Variants in MKRN2 observed in about 807,000 individuals in gnomAD.
MKRN2 encodes E3 ubiquitin-protein ligase makorin-2.
A neutral mutation model predicts 45.4 loss-of-function variants in MKRN2; 32 were observed. The observed-to-expected ratio is 0.70, with a 90% confidence interval of 0.53 to 0.95. The LOEUF is 0.95. MKRN2 is among the 40% of genes least tolerant of loss of function. The pLI, the probability that MKRN2 is intolerant of heterozygous loss-of-function variation, is 0.00. For synonymous variants in MKRN2, 206 were observed against 192.4 expected (o/e 1.07, Z -0.59); for missense variants, 526 against 536.7 (o/e 0.98, Z 0.20).
At chr3:12,561,934 C>T (rs2058039385) in intron 1 of MKRN2, among the ~76,000 whole-genome samples, 1 of 152,140 alleles carries the variant, frequency 6.6e-6, no homozygotes, top group Admixed American at 6.5e-5. Flanking sequence ...AATCCAGAGA[C>T]TGTCTAGAAC....
chr3:12,557,136 C>A lies in MKRN2; in HGVS notation c.-15C>A, dbSNP rs572518149. 1.1e-5 allele frequency: 17 copies of A among 1,511,800 alleles called. No homozygotes were observed. The highest frequency in any genetic ancestry group is 1.3e-5 in the Non-Finnish European group (15 of 1,132,722). 93.6% of individuals were successfully genotyped at this position (1,511,800 alleles called of 1,614,324 possible). A position where few individuals can be genotyped will look rare whatever the true frequency, so the allele number is the denominator to read the frequency against. On this transcript the variant is annotated 5_prime_UTR_variant, in exon 1 of 8. Transcript: ENST00000170447. ...AGAGGCGGCGGCACGACGACGGTCC[C>A]TCAGCCCAGCCACCATGAGCACCAA...
At chr3:12,562,133 A>C (rs1200518980) in intron 1 of MKRN2, among the ~76,000 whole-genome samples, 2 of 152,176 alleles carry the variant, frequency 1.3e-5, no homozygotes, top group African/African-American at 4.8e-5. Context: ...ACATGTGTCC[A>C]GGGAAGCCCA....
chr3:12,576,619 T>G lies in MKRN2; in HGVS notation c.858-12T>G. On this transcript the variant is annotated splice_polypyrimidine_tract_variant and intron_variant, in intron 5 of 7. Coordinates refer to ENST00000170447, the MANE Select transcript of MKRN2 (RefSeq NM_014160.5). ...CATGACTTCTCCCTTAGTAATCTAATTCTTATTTCAGGTCTTGTCCAGAAT... is the reference window on the plus strand; with the variant it reads ...CATGACTTCTCCCTTAGTAATCTAAGTCTTATTTCAGGTCTTGTCCAGAAT... 6.4e-7 allele frequency: 1 copy of G among 1,564,666 alleles called. No individual in the cohort carries two copies. Among genetic ancestry groups the G allele is most frequent in the Non-Finnish European group, 8.8e-7 (1 of 1,136,300 alleles).
intron 6 of MKRN2, among the ~76,000 whole-genome samples, chr3:12,579,920 T>G (rs752031825): frequency 1.3e-5 from 2 of 151,304 alleles, no homozygotes; most frequent in Non-Finnish European, 2.9e-5. Flanking sequence ...CTCATCTCTT[T>G]AAAGAAAAAA....
In MKRN2 at chr3:12,582,721, T is replaced by G. The variant is rs1488512185; in HGVS notation, c.*468T>G. ...TTAGTGTGTCGTCAAAATTTTGATT[T>G]ATACAGAGCTTTCAAGAACACACAA... On this transcript the variant is annotated 3_prime_UTR_variant, in exon 8 of 8. Transcript: ENST00000170447. 1.3e-5 allele frequency: 2 copies of G among 157,390 alleles called. No individual in the cohort carries two copies. Among genetic ancestry groups the G allele is most frequent in the African/African-American group, 2.4e-5 (1 of 41,528 alleles). 9.7% of individuals were successfully genotyped at this position (157,390 alleles called of 1,614,324 possible).
intron 6 of MKRN2, among the ~76,000 whole-genome samples, chr3:12,581,297 AAGG>A (rs1019108288): frequency 2.0e-5 from 3 of 152,182 alleles, no homozygotes; most frequent in African/African-American, 7.2e-5. Flanking sequence ...GGAAAACTGG[AAGG>A]AGACCTATGG....
At chr3:12,573,969 G>T (rs981839068) in intron 4 of MKRN2, among the ~76,000 whole-genome samples, 5 of 152,070 alleles carry the variant, frequency 3.3e-5, no homozygotes, top group African/African-American at 1.2e-4. Context: ...GAACTCCTGA[G>T]ATCAAGCAGT....
chr3:12,566,386 G>C (rs1483259146), intron 1 of MKRN2, among the ~76,000 whole-genome samples: 4 of 151,928 alleles, frequency 2.6e-5, no homozygotes, highest in Non-Finnish European at 5.9e-5. Context: ...GGTTTGTTTT[G>C]TTTTGTTTTG....
intron 1 of MKRN2, 129 bp from the exon 2 acceptor site, chr3:12,568,746 C>A: frequency 2.5e-6 from 3 of 1,202,274 alleles, no homozygotes; most frequent in Non-Finnish European, 3.4e-6. Context: ...GATCTCTCTC[C>A]AGTGCCTAAT....
chr3:12,572,530 A>ATAT (rs2058105995), intron 4 of MKRN2, among the ~76,000 whole-genome samples, 157 bp downstream of exon 4: 1 of 151,996 alleles, frequency 6.6e-6, no homozygotes. Flanking sequence ...AGTAATACCC[A>ATAT]TATTATGTAT....
At position 12,574,933 on chromosome 3, in the gene MKRN2, T is replaced by C; in HGVS notation, c.784T>C (p.Cys262Arg). ...SERRFGILSN[C>R]NHTYCLSCIR... ...GAGGAGATTTGGGATTCTCTCCAAT[T>C]GCAATCACACGTACTGTTTGTCCTG... Residue 262 changes from cysteine to arginine, a missense_variant, in exon 5 of 8, where the codon TGC (cysteine) becomes CGC (arginine). By Grantham distance (180) the Cys-to-Arg change is radical. Transcript: ENST00000170447. 6.2e-7 allele frequency: 1 copy of C among 1,614,240 alleles called. No homozygotes were observed. Among genetic ancestry groups the C allele is most frequent in the Non-Finnish European group, 8.5e-7 (1 of 1,180,036 alleles).
At chr3:12,574,464 G>C (rs1314406531) in intron 4 of MKRN2, among the ~76,000 whole-genome samples, 1 of 152,234 alleles carries the variant, frequency 6.6e-6, no homozygotes, top group Non-Finnish European at 1.5e-5. Context: ...AGAGGAGCTG[G>C]GGGACTAGGG....
intron 1 of MKRN2, among the ~76,000 whole-genome samples, chr3:12,564,079 G>A (rs1007805694): frequency 6.6e-5 from 10 of 151,882 alleles, no homozygotes; most frequent in African/African-American, 2.4e-4. Context: ...CAAAGTAGCT[G>A]GGATTACAGG....
At chr3:12,565,943 C>A (rs1254331989) in intron 1 of MKRN2, among the ~76,000 whole-genome samples, 1 of 152,108 alleles carries the variant, frequency 6.6e-6, no homozygotes, top group East Asian at 1.9e-4. Context: ...GCAAACAGAG[C>A]TCACTGCAGG....
intron 1 of MKRN2, among the ~76,000 whole-genome samples, chr3:12,567,835 T>C (rs1276961274): frequency 2.6e-5 from 4 of 152,182 alleles, no homozygotes; most frequent in Admixed American, 6.5e-5. Flanking sequence ...GGGTCTCTAC[T>C]GTTTGAGTAT....
Position 12,583,576 on chromosome 3 carries a change from T to TTTAAAAGGAGGTA in MKRN2, c.*1324_*1336dup, listed in dbSNP as rs1343739755. 2.7e-4 allele frequency: 61 copies of TTTAAAAGGAGGTA among 225,444 alleles called. No homozygotes were observed. Among genetic ancestry groups the TTTAAAAGGAGGTA allele is most frequent in the Middle Eastern group, 2.7e-3 (2 of 752 alleles). The allele number at this position is 225,444 out of a possible 1,614,324, so 14.0% of individuals were successfully genotyped here. A position where few individuals can be genotyped will look rare whatever the true frequency, so the allele number is the denominator to read the frequency against. ...ATTCAAGTTGTGAGCTCAGAATTAC[T>TTTAAAAGGAGGTA]TTAAAAGGAGGTAACAGCCAGCCAT... On this transcript the variant is annotated 3_prime_UTR_variant, in exon 8 of 8. Coordinates refer to ENST00000170447, the MANE Select transcript of MKRN2 (RefSeq NM_014160.5).
At chr3:12,570,872 A>AGACT (rs1419333981) in intron 3 of MKRN2, among the ~76,000 whole-genome samples, 1 of 144,852 alleles carries the variant, frequency 6.9e-6, no homozygotes, top group Non-Finnish European at 1.5e-5. Flanking sequence ...GACAAGAGTG[A>AGACT]GACTCCCTCT....
intron 6 of MKRN2, among the ~76,000 whole-genome samples, chr3:12,578,602 C>A (rs1257400169): frequency 1.3e-5 from 2 of 152,180 alleles, no homozygotes; most frequent in East Asian, 3.9e-4. Context: ...CAGATGTGAG[C>A]CACAAAAGCT....
rs2058084312 is a variant in MKRN2, at chr3:12,569,091, A to G, written c.155+88A>G. On this transcript the variant is annotated intron_variant, in intron 2 of 7. Coordinates refer to ENST00000170447, the MANE Select transcript of MKRN2 (RefSeq NM_014160.5). ...AAGGGGGAAATTTTAATGTAAAAGT[A>G]ATATGGCAACATCACAAAAAGTATG... The G allele has an allele frequency of 1.5e-5, 21 of 1,443,166 alleles. No individual in the cohort carries two copies. In the South Asian group the frequency reaches 2.6e-4, roughly 18 times the overall value. The allele number at this position is 1,443,166 out of a possible 1,614,324, so 89.4% of individuals were successfully genotyped here.
Sources: allele counts gnomAD v4.1 joint callset (sites outside exome capture counted in the v4.1 genomes callset), GRCh38; gene constraint gnomAD v4.1.1; transcripts MANE v1.5; gene names NCBI Gene and HGNC (gene_info 2026-07-23, HGNC 2026-07-21).